Variants in OR1B1 observed in about 807,000 individuals in gnomAD.
OR1B1 encodes the protein olfactory receptor 1B1.
For missense variants in OR1B1, 414 were observed against 402.1 expected (o/e 1.03, Z -0.25); for synonymous variants, 168 against 156.2 (o/e 1.08, Z -0.57).
the OR1B1 span, among the ~76,000 whole-genome samples, chr9:122,652,237 T>A: frequency 0.019 from 2,821 of 152,326 alleles, 85 homozygotes; most frequent in African/African-American, 0.064. Flanking sequence ...ATATTACAAC[T>A]TACCTACTTC....
At chr9:122,641,260 G>A in the OR1B1 span, among the ~76,000 whole-genome samples, 1 of 152,182 alleles carries the variant, frequency 6.6e-6, no homozygotes, top group Non-Finnish European at 1.5e-5. Flanking sequence ...GTATATGTGT[G>A]TATAAGCCCT....
At chr9:122,651,809 C>G in the OR1B1 span, among the ~76,000 whole-genome samples, 145 of 152,220 alleles carry the variant, frequency 9.5e-4, no homozygotes, top group African/African-American at 3.3e-3. Context: ...ATATGTACAT[C>G]AGGGCTTTTG....
At chr9:122,638,294 A>G in the OR1B1 span, among the ~76,000 whole-genome samples, 1 of 152,220 alleles carries the variant, frequency 6.6e-6, no homozygotes. Context: ...TGAAACAAAA[A>G]AGGGCAAATT....
chr9:122,641,667 G>C, the OR1B1 span, among the ~76,000 whole-genome samples: 1 of 152,088 alleles, frequency 6.6e-6, no homozygotes, highest in Non-Finnish European at 1.5e-5. Flanking sequence ...GGAAGAATAA[G>C]TTCAAGAGAC....
At chr9:122,640,107 C>T in the OR1B1 span, among the ~76,000 whole-genome samples, 1 of 152,174 alleles carries the variant, frequency 6.6e-6, no homozygotes. Flanking sequence ...AATTTTAACA[C>T]GAAGATTTGG....
the OR1B1 span, chr9:122,639,767 AT>A: frequency 6.7e-6 from 1 of 149,052 alleles, no homozygotes; most frequent in Non-Finnish European, 1.5e-5. Flanking sequence ...TTCAATATAT[AT>A]TTATATATAT....
upstream of OR1B1, among the ~76,000 whole-genome samples, chr9:122,632,577 A>AAGTT (rs1172144982): frequency 1.3e-5 from 2 of 151,048 alleles, no homozygotes; most frequent in African/African-American, 2.4e-5. Context: ...CCCCCCTTCC[A>AAGTT]CCGCTTCCCC....
the OR1B1 span, among the ~76,000 whole-genome samples, chr9:122,650,895 G>A: frequency 1.3e-5 from 2 of 151,928 alleles, no homozygotes; most frequent in East Asian, 3.9e-4. Flanking sequence ...CATGGTGGCG[G>A]GCCCCTGTAG....
exon 1 of OR1B1, chr9:122,628,887 A>G (rs1262850226): frequency 6.2e-7 from 1 of 1,614,032 alleles, no homozygotes; most frequent in East Asian, 2.2e-5. Flanking sequence ...ATGAGGGCAC[A>G]GGGGCCCAGC....
At chr9:122,647,982 G>A in the OR1B1 span, among the ~76,000 whole-genome samples, 1 of 151,882 alleles carries the variant, frequency 6.6e-6, no homozygotes, top group African/African-American at 2.4e-5. Context: ...CTCCTTATAT[G>A]CTTTGTTTTC....
At chr9:122,645,000 C>CA in the OR1B1 span, among the ~76,000 whole-genome samples, 1 of 152,116 alleles carries the variant, frequency 6.6e-6, no homozygotes, top group East Asian at 1.9e-4. Flanking sequence ...ACAAAGAATT[C>CA]AAAATAGCTG....
the OR1B1 span, among the ~76,000 whole-genome samples, chr9:122,652,001 A>C: frequency 2.0e-5 from 3 of 152,274 alleles, no homozygotes; most frequent in Non-Finnish European, 1.5e-5. Flanking sequence ...AGGTCTTGCT[A>C]TGTTGCTCAG....
chr9:122,629,190 C>T (rs1830176790), exon 1 of OR1B1: 2 of 1,614,006 alleles, frequency 1.2e-6, no homozygotes, highest in East Asian at 4.5e-5. Context: ...ACAGCAATGA[C>T]AAGTGTATCT....
At chr9:122,638,432 T>C in the OR1B1 span, among the ~76,000 whole-genome samples, 2 of 152,158 alleles carry the variant, frequency 1.3e-5, no homozygotes, top group Admixed American at 6.5e-5. Flanking sequence ...AATGGAGATA[T>C]AAGACTTTTA....
At chr9:122,634,398 C>G (rs1830237591), upstream of OR1B1, among the ~76,000 whole-genome samples, 1 of 151,642 alleles carries the variant, frequency 6.6e-6, no homozygotes, top group Non-Finnish European at 1.5e-5. Flanking sequence ...ATACCCGAGA[C>G]TGGGTGATTT....
chr9:122,636,461 A>C, the OR1B1 span, among the ~76,000 whole-genome samples: 2 of 152,148 alleles, frequency 1.3e-5, no homozygotes, highest in Non-Finnish European at 2.9e-5. Context: ...CCAAAAATAC[A>C]AAAAATTAGC....
chr9:122,638,147 A>G, the OR1B1 span, among the ~76,000 whole-genome samples: 1 of 152,206 alleles, frequency 6.6e-6, no homozygotes, highest in Non-Finnish European at 1.5e-5. Flanking sequence ...TAAAACATAC[A>G]TAGTGAAATT....
At chr9:122,629,579 A>AAAGT, upstream of OR1B1, 1 of 1,246,192 alleles carries the variant, frequency 8.0e-7, no homozygotes. Context: ...AGTCAAAAAG[A>AAAGT]AAGTCATGGG....
At chr9:122,642,157 A>G in the OR1B1 span, among the ~76,000 whole-genome samples, 1 of 152,132 alleles carries the variant, frequency 6.6e-6, no homozygotes, top group Non-Finnish European at 1.5e-5. Flanking sequence ...AGAAAGGAGA[A>G]AGGATAGAAA....
Sources: gnomAD v4.1 joint callset for allele counts (sites outside exome capture counted in the v4.1 genomes callset) on GRCh38, gnomAD v4.1.1 for gene constraint, MANE v1.5 for transcripts, NCBI Gene and HGNC (gene_info 2026-07-23, HGNC 2026-07-21) for gene names.